ZNF90: variants seen among roughly 807,000 people sequenced by gnomAD.
The protein encoded by ZNF90 is zinc finger protein HTF9.
A neutral mutation model predicts 12.0 loss-of-function variants in ZNF90; 11 were observed. The ratio of observed to expected loss-of-function variants is 0.92; its 90% CI spans 0.58 to 1.52. The LOEUF (loss-of-function observed/expected upper bound fraction) is 1.52, where lower values mean the gene tolerates loss of function less well. Among genes scored for constraint, ZNF90 ranks in the 40% most tolerant of loss-of-function variants. The probability of loss-of-function intolerance (pLI) is 0.00; values close to 1 mark genes in which losing one functional copy is unlikely to be tolerated. For synonymous variants in ZNF90, 232 were observed against 240.1 expected (o/e 0.97, Z 0.31); for missense variants, 765 against 711.5 (o/e 1.08, Z -0.86).
Position 20,117,795 on chromosome 19 carries a change from T to C in ZNF90, c.241T>C (p.Phe81Leu). The change falls in exon 4 of 4, where the codon TTT becomes CTT. Residue 81 changes from phenylalanine to leucine, a missense_variant. Phe to Leu is a conservative substitution (Grantham distance 22). Coordinates refer to ENST00000418063, the MANE Select transcript of ZNF90 (RefSeq NM_007138.2). ...GTTTCTTTCAGTTATGTGTTTTCAT[T>C]TTGCCCAAGACCTTTGTCCAGAGCA... ...IAKSPVMCFHFAQDLCPEQSL... is the reference protein window; with the variant it reads ...IAKSPVMCFHLAQDLCPEQSL... The C allele has an allele frequency of 6.5e-7, 1 of 1,527,912 alleles. No homozygotes were observed. The highest frequency in any genetic ancestry group is 8.7e-7 in the Non-Finnish European group (1 of 1,143,518). 94.6% of individuals were successfully genotyped at this position (1,527,912 alleles called of 1,614,324 possible). A position where few individuals can be genotyped will look rare whatever the true frequency, so the allele number is the denominator to read the frequency against.
Position 20,098,164 on chromosome 19 carries a change from G to A in ZNF90, c.4-6075G>A, listed in dbSNP as rs546438492. 2.6e-4 allele frequency among the ~76,000 whole-genome samples: 40 copies of A among 152,118 alleles called. No homozygotes were observed. The South Asian group carries it at 7.5e-3, about 28-fold the overall frequency. On this transcript the variant is annotated intron_variant, in intron 1 of 3. Coordinates refer to ENST00000418063, the MANE Select transcript of ZNF90 (RefSeq NM_007138.2). Reference sequence around the variant, plus strand: ...ATGTGCTAGAACAGCCTCTATTAGGGGATCTCTTCACCAAAGGATGCAAAG... The same window carrying A: ...ATGTGCTAGAACAGCCTCTATTAGGAGATCTCTTCACCAAAGGATGCAAAG...
At position 20,118,146 on chromosome 19, in the gene ZNF90, G is replaced by C. The variant is rs782062438; in HGVS notation, c.592G>C (p.Glu198Gln). ...LATHKKIHTG[E>Q]ITCKCEECGK... ...TACACATAAGAAAATTCATACTGGA[G>C]AGATAACCTGCAAATGTGAAGAATG... The change falls in exon 4 of 4, where the codon GAG (glutamate) becomes CAG (glutamine). Residue 198 changes from glutamate to glutamine, a missense_variant. Physicochemically the swap from Glu to Gln is conservative, Grantham distance 29. Coordinates refer to ENST00000418063, the MANE Select transcript of ZNF90 (RefSeq NM_007138.2). 2 of 1,610,834 alleles carry C rather than the reference G, an allele frequency of 1.2e-6. No individual in the cohort carries two copies. Among genetic ancestry groups the C allele is most frequent in the South Asian group, 1.1e-5 (1 of 90,984 alleles).
At chr19:20,115,655 T>C (rs537413188) in intron 3 of ZNF90, among the ~76,000 whole-genome samples, 14 of 152,172 alleles carry the variant, frequency 9.2e-5, no homozygotes, top group African/African-American at 2.2e-4. Context: ...TATATATGTG[T>C]TTGTTATAAG....
chr19:20,098,323 A>C (rs782414091), intron 1 of ZNF90, among the ~76,000 whole-genome samples: 4 of 152,222 alleles, frequency 2.6e-5, no homozygotes, highest in Non-Finnish European at 5.9e-5. Context: ...AGATGTCAGC[A>C]AAGACAGCTT....
intron 1 of ZNF90, among the ~76,000 whole-genome samples, chr19:20,081,397 C>T (rs1388180694): frequency 2.0e-5 from 3 of 152,150 alleles, no homozygotes; most frequent in East Asian, 3.9e-4. Context: ...CCATGTTGGC[C>T]ACGCTGGTCT....
At chr19:20,098,475 G>A (rs539384099) in intron 1 of ZNF90, among the ~76,000 whole-genome samples, 1 of 152,198 alleles carries the variant, frequency 6.6e-6, no homozygotes, top group Admixed American at 6.5e-5. Flanking sequence ...AGGAGTGAGA[G>A]ATCAAGGCCA....
At chr19:20,085,219 C>T (rs1280996250) in intron 1 of ZNF90, among the ~76,000 whole-genome samples, 5 of 149,554 alleles carry the variant, frequency 3.3e-5, no homozygotes, top group Non-Finnish European at 7.4e-5. Context: ...AATCTGATGG[C>T]GGTAGGAGGG....
At chr19:20,111,819 T>C (rs1483438162) in intron 3 of ZNF90, among the ~76,000 whole-genome samples, 1 of 152,136 alleles carries the variant, frequency 6.6e-6, no homozygotes, top group Non-Finnish European at 1.5e-5. Flanking sequence ...TTATAATTGA[T>C]ATTAAAATTA....
In ZNF90 at chr19:20,105,193, T is replaced by C. The variant is rs540148446; in HGVS notation, c.131-28T>C. On this transcript the variant is annotated intron_variant, in intron 2 of 3. Transcript: ENST00000418063. Reference sequence around the variant, plus strand: ...TTGTAATTGGAGAATATGAGGAAGATTCATGTTATTTATTTTTAATAAAAC... The same window carrying C: ...TTGTAATTGGAGAATATGAGGAAGACTCATGTTATTTATTTTTAATAAAAC... The C allele has an allele frequency of 1.2e-5, 19 of 1,540,048 alleles. No individual in the cohort carries two copies. The African/African-American group carries it at 2.2e-4, about 18-fold the overall frequency.
rs146163004 is a variant in ZNF90 at position 20,095,961 on chromosome 19, A to G, written c.4-8278A>G. On this transcript the variant is annotated intron_variant, in intron 1 of 3. Transcript: ENST00000418063. Reference sequence around the variant, plus strand: ...AACGTGAGTGTATAATCAGAGAGGCATCCCTGCAATGATTAAACACCAAGG... The same window carrying G: ...AACGTGAGTGTATAATCAGAGAGGCGTCCCTGCAATGATTAAACACCAAGG... 4.2e-3 allele frequency among the ~76,000 whole-genome samples: 646 copies of G among 152,148 alleles called. 6 individuals are homozygous for G. Among genetic ancestry groups the G allele is most frequent in the African/African-American group, 0.015 (616 of 41,496 alleles).
intron 3 of ZNF90, among the ~76,000 whole-genome samples, chr19:20,112,526 T>G (rs1427887027): frequency 6.6e-6 from 1 of 151,722 alleles, no homozygotes; most frequent in Non-Finnish European, 1.5e-5. Context: ...TTCACCATGT[T>G]GTTTAGGCTG....
intron 1 of ZNF90, among the ~76,000 whole-genome samples, chr19:20,091,860 A>G (rs2088905248): frequency 6.6e-6 from 1 of 152,222 alleles, no homozygotes. Flanking sequence ...GCTTGAGTTA[A>G]GGTAACTAGT....
intron 1 of ZNF90, among the ~76,000 whole-genome samples, chr19:20,082,047 A>T (rs1035422298): frequency 2.0e-5 from 3 of 151,556 alleles, no homozygotes; most frequent in African/African-American, 7.3e-5. Flanking sequence ...TACAGGCGTG[A>T]GCCACCGCGC....
chr19:20,079,957 TGAA>T, intron 1 of ZNF90: 2 of 347,022 alleles, frequency 5.8e-6, no homozygotes, highest in Admixed American at 3.8e-5. Context: ...TTTTTTGAGA[TGAA>T]GTTTCTCTCT....
At chr19:20,103,064 C>A (rs1410708898) in intron 1 of ZNF90, among the ~76,000 whole-genome samples, 3 of 152,100 alleles carry the variant, frequency 2.0e-5, no homozygotes, top group African/African-American at 7.2e-5. Flanking sequence ...CTGATGGACT[C>A]AATCCTTTGA....
intron 1 of ZNF90, among the ~76,000 whole-genome samples, chr19:20,094,042 C>T (rs1214883361): frequency 6.6e-6 from 1 of 152,290 alleles, no homozygotes; most frequent in East Asian, 1.9e-4. Flanking sequence ...TCCCGGGCTG[C>T]GGGCATTCCT....
Position 20,119,693 on chromosome 19 carries a change from T to C in ZNF90, c.*333T>C, listed in dbSNP as rs1555706376. 9.5e-6 allele frequency: 2 copies of C among 209,946 alleles called. No homozygotes were observed. Among genetic ancestry groups the C allele is most frequent in the Non-Finnish European group, 1.9e-5 (2 of 105,010 alleles). 13.0% of individuals were successfully genotyped at this position (209,946 alleles called of 1,614,324 possible). On this transcript the variant is annotated 3_prime_UTR_variant, in exon 4 of 4. Coordinates refer to ENST00000418063, the MANE Select transcript of ZNF90 (RefSeq NM_007138.2). Reference sequence around the variant, plus strand: ...TGGAGTGCAATGGCACGATCTCTGCTCACTGCAACCTCTTCCTCCTGGTTC... The same window carrying C: ...TGGAGTGCAATGGCACGATCTCTGCCCACTGCAACCTCTTCCTCCTGGTTC...
At position 20,120,993 on chromosome 19, in the gene ZNF90, A is replaced by G. The variant is rs1351879941; in HGVS notation, c.*1633A>G. The G allele has an allele frequency of 1.3e-5, 2 of 152,838 alleles. No homozygotes were observed. The highest frequency in any genetic ancestry group is 2.4e-5 in the African/African-American group (1 of 41,594). The allele number at this position is 152,838 out of a possible 1,614,324, so 9.5% of individuals were successfully genotyped here. ...AAAATGTAAGATGCATGATGAAAAT[A>G]TAAGTGGACAGGCTGTTCGTATTTG... On this transcript the variant is annotated 3_prime_UTR_variant, in exon 4 of 4. Coordinates refer to ENST00000418063, the MANE Select transcript of ZNF90 (RefSeq NM_007138.2).
At chr19:20,090,585 G>T (rs1156401444) in intron 1 of ZNF90, among the ~76,000 whole-genome samples, 2 of 152,170 alleles carry the variant, frequency 1.3e-5, no homozygotes, top group East Asian at 1.9e-4. Flanking sequence ...TGAGGGGTCA[G>T]ATTCTTAACA....
Sources: gnomAD v4.1 joint callset for allele counts (sites outside exome capture counted in the v4.1 genomes callset) on GRCh38, gnomAD v4.1.1 for gene constraint, MANE v1.5 for transcripts, NCBI Gene and HGNC (gene_info 2026-07-23, HGNC 2026-07-21) for gene names.